Variants in BRWD3 observed in about 807,000 individuals in gnomAD.
The protein encoded by BRWD3 is bromodomain and WD repeat domain containing 3.
Under a neutral mutation model 149.7 loss-of-function variants are expected in BRWD3, and 10 were observed. The observed-to-expected ratio is 0.07, with a 90% CI of 0.04 to 0.11. BRWD3 has a LOEUF of 0.11. Among genes scored for constraint, BRWD3 ranks in the 10% least tolerant of loss-of-function variants. BRWD3 has a pLI of 1.00. For missense variants in BRWD3, 940 were observed against 1,373.2 expected (o/e 0.68, Z 4.99); for synonymous variants, 504 against 456.7 (o/e 1.10, Z -1.32).
At chrX:80,746,773 A>T (rs749905017) in intron 6 of BRWD3, 73 of 580,578 alleles carry the variant, frequency 1.3e-4, no homozygotes, top group Non-Finnish European at 1.7e-5. Flanking sequence ...GATTAGTATG[A>T]TTAGAACCAT....
chrX:80,723,984 C>T, intron 15 of BRWD3, 108 bp from the exon 16 acceptor site: 1 of 895,655 alleles, frequency 1.1e-6, no homozygotes, highest in Non-Finnish European at 1.6e-6. Flanking sequence ...ACAAACATTC[C>T]AAAGTACTCT....
At chrX:80,743,353 TTC>T (rs1456209513) in intron 8 of BRWD3, among the ~76,000 whole-genome samples, 1 of 111,779 alleles carries the variant, frequency 8.9e-6, no homozygotes, top group African/African-American at 3.3e-5. Flanking sequence ...TGGTCTAAAA[TTC>T]TCTTTTTTTG....
chrX:80,739,140 A>G (rs1431468508), intron 8 of BRWD3, among the ~76,000 whole-genome samples: 1 of 111,864 alleles, frequency 8.9e-6, no homozygotes. Flanking sequence ...AAAACAGGAC[A>G]GCAATAACAG....
intron 17 of BRWD3, among the ~76,000 whole-genome samples, chrX:80,720,203 T>A (rs2073127553): frequency 9.0e-6 from 1 of 111,140 alleles, no homozygotes; most frequent in African/African-American, 3.3e-5. Flanking sequence ...TTTTAATTAT[T>A]AAAAAAAATT....
At chrX:80,710,435 G>A (rs1004697880) in intron 20 of BRWD3, 1 of 343,781 alleles carries the variant, frequency 2.9e-6, no homozygotes, top group Non-Finnish European at 5.4e-6. Context: ...TACTTGGAGA[G>A]ACATATGTCT....
In BRWD3 at chrX:80,706,717, A is replaced by T. The variant is rs1357531261; in HGVS notation, c.2552+710T>A. Among the ~76,000 whole-genome samples the T allele has an allele frequency of 2.7e-5, 3 of 112,238 alleles. No homozygotes were observed. In the Admixed American group the frequency reaches 2.8e-4, roughly 11 times the overall value. On this transcript the variant is annotated intron_variant, in intron 22 of 40. Transcript: ENST00000373275. ...AATTTATTACAAGTAGGACAAGTAC[A>T]CTCTAAAATAACAATAAAAAGTATA...
intron 6 of BRWD3, among the ~76,000 whole-genome samples, chrX:80,763,323 A>G (rs2073822491): frequency 1.8e-5 from 2 of 111,726 alleles, no homozygotes; most frequent in African/African-American, 6.5e-5. Flanking sequence ...CTTTTATAGC[A>G]GCTTTTCTTA....
chrX:80,749,633 T>A (rs892489497), intron 6 of BRWD3, among the ~76,000 whole-genome samples: 17 of 110,992 alleles, frequency 1.5e-4, no homozygotes, highest in African/African-American at 5.6e-4. Context: ...TTTTCATCCA[T>A]TCAGCAGCTC....
intron 22 of BRWD3, 143 bp downstream of exon 22, chrX:80,707,284 C>T (rs2072880269): frequency 1.9e-6 from 1 of 535,563 alleles, no homozygotes; most frequent in Admixed American, 3.2e-5. Context: ...GCCAGGATCA[C>T]ATCAGGTCTC....
intron 17 of BRWD3, among the ~76,000 whole-genome samples, chrX:80,719,859 CATT>C (rs1410020219): frequency 8.9e-6 from 1 of 111,906 alleles, no homozygotes; most frequent in African/African-American, 3.2e-5. Context: ...CCAAATTAGA[CATT>C]ATTATGAGAG....
chrX:80,781,420 G>C (rs763677164), intron 6 of BRWD3, among the ~76,000 whole-genome samples: 2 of 110,969 alleles, frequency 1.8e-5, no homozygotes, highest in Non-Finnish European at 3.8e-5. Flanking sequence ...TTGTTTAAAG[G>C]TGGATGTGGT....
At chrX:80,789,768 C>T (rs986041455) in intron 6 of BRWD3, among the ~76,000 whole-genome samples, 1 of 110,558 alleles carries the variant, frequency 9.0e-6, no homozygotes, top group Non-Finnish European at 1.9e-5. Flanking sequence ...ATTCATTTAA[C>T]TTTTCCCCAT....
Position 80,682,764 on chromosome X carries a change from AAAGT to A in BRWD3, c.4234-140_4234-137del, listed in dbSNP as rs759904244. 4.3e-3 allele frequency: 2,435 copies of A among 565,405 alleles called. 18 individuals are homozygous for A. The highest frequency in any genetic ancestry group is 4.3e-3 in the Non-Finnish European group (1,601 of 368,526). 46.6% of individuals were successfully genotyped at this position (565,405 alleles called of 1,213,427 possible). A position where few individuals can be genotyped will look rare whatever the true frequency, so the allele number is the denominator to read the frequency against. ...CTTGAAAAATTCTTCTCAAATAACT[AAAGT>A]AAGATACCATTTTCACCTAAAATAA... On this transcript the variant is annotated intron_variant, in intron 37 of 40. Coordinates refer to ENST00000373275, the MANE Select transcript of BRWD3 (RefSeq NM_153252.5).
At chrX:80,738,492 A>G (rs1482355686) in intron 8 of BRWD3, among the ~76,000 whole-genome samples, 1 of 111,798 alleles carries the variant, frequency 8.9e-6, no homozygotes, top group Non-Finnish European at 1.9e-5. Context: ...AGAATAATAT[A>G]TCACTGATGT....
chrX:80,788,595 T>A, intron 6 of BRWD3, among the ~76,000 whole-genome samples: 1 of 111,768 alleles, frequency 8.9e-6, no homozygotes, highest in Non-Finnish European at 1.9e-5. Flanking sequence ...AAGTTAAAGT[T>A]GTATTTAACA....
chrX:80,795,037 T>C (rs1398160122), intron 4 of BRWD3, among the ~76,000 whole-genome samples: 1 of 111,315 alleles, frequency 9.0e-6, no homozygotes, highest in African/African-American at 3.3e-5. Context: ...ATAACTCAGC[T>C]ATGTAGCCAA....
At chrX:80,714,417 C>T (rs2073046730) in intron 20 of BRWD3, among the ~76,000 whole-genome samples, 1 of 109,069 alleles carries the variant, frequency 9.2e-6, no homozygotes, top group Non-Finnish European at 1.9e-5. Flanking sequence ...TTATCTTAAT[C>T]CAGACATTCC....
At chrX:80,692,864 T>TGATG in intron 28 of BRWD3, 76 bp downstream of exon 28, 1 of 802,580 alleles carries the variant, frequency 1.2e-6, no homozygotes, top group Non-Finnish European at 1.9e-6. Context: ...AGGGCATTAC[T>TGATG]CCTGATGGAG....
chrX:80,736,122 G>A (rs772486706), intron 8 of BRWD3, 34 bp from the exon 9 acceptor site: 1 of 923,137 alleles, frequency 1.1e-6, no homozygotes, highest in Admixed American at 2.4e-5. Context: ...CAAATAAAAA[G>A]TTTTCATGTT....
Sources: gnomAD v4.1 joint callset for allele counts (sites outside exome capture counted in the v4.1 genomes callset) on GRCh38, gnomAD v4.1.1 for gene constraint, MANE v1.5 for transcripts, NCBI Gene and HGNC (gene_info 2026-07-23, HGNC 2026-07-21) for gene names.